DOCK9: variants seen among roughly 807,000 people sequenced by gnomAD.
DOCK9 encodes dedicator of cytokinesis 9.
DOCK9 carries 89 observed loss-of-function variants against 263.3 expected under a neutral mutation model. That is an observed-to-expected ratio of 0.34 (90% CI 0.28 to 0.40). The LOEUF (loss-of-function observed/expected upper bound fraction) is 0.40. DOCK9 is among the 10% of genes least tolerant of loss of function. The pLI is 1.00. For synonymous variants in DOCK9, 976 were observed against 973.1 expected (o/e 1.00, Z -0.06); for missense variants, 2,140 against 2,603.4 (o/e 0.82, Z 3.87).
chr13:98,835,696 G>T (rs558142347), intron 39 of DOCK9, among the ~76,000 whole-genome samples: 1 of 148,102 alleles, frequency 6.8e-6, no homozygotes, highest in Admixed American at 6.8e-5. Context: ...GATATTTAGA[G>T]ATCCAGGAAT....
intron 35 of DOCK9, among the ~76,000 whole-genome samples, chr13:98,851,925 G>A (rs545622760): frequency 8.5e-5 from 13 of 152,222 alleles, no homozygotes; most frequent in African/African-American, 2.2e-4. Context: ...GAAAACAATC[G>A]ATAACTTGAA....
chr13:98,950,035 GTTCACATAAGGTTCT>G (rs2057222612), intron 2 of DOCK9: 1 of 474,152 alleles, frequency 2.1e-6, no homozygotes, highest in African/African-American at 2.0e-5. Context: ...GAAATCCCCA[GTTCACATAAGGTTCT>G]ACTATAAGCA....
Position 98,901,681 on chromosome 13 carries a change from T to C in DOCK9, c.1503+97A>G, listed in dbSNP as rs1170196918. The C allele has an allele frequency of 4.4e-6, 6 of 1,352,964 alleles. No homozygotes were observed. In the East Asian group the frequency reaches 1.2e-4, roughly 27 times the overall value. 83.8% of individuals were successfully genotyped at this position (1,352,964 alleles called of 1,614,324 possible). On this transcript the variant is annotated intron_variant, in intron 13 of 52. Coordinates refer to ENST00000682017, the MANE Select transcript of DOCK9 (RefSeq NM_001366683.2). Reference sequence around the variant, plus strand: ...TTCTACATCTTTTAGAGTATAAATATGGCTTATGTTTGATTTCATTAAGGA... The same window carrying C: ...TTCTACATCTTTTAGAGTATAAATACGGCTTATGTTTGATTTCATTAAGGA...
At chr13:98,932,559 T>C (rs908824319) in intron 2 of DOCK9, among the ~76,000 whole-genome samples, 3 of 152,212 alleles carry the variant, frequency 2.0e-5, no homozygotes, top group African/African-American at 7.2e-5. Context: ...GCAGTTTCCT[T>C]TCTTCCTTTG....
rs759961348 is a variant in DOCK9 at position 98,809,476 on chromosome 13, G to A, written c.5254-11C>T. 1 of 1,575,410 alleles carries A rather than the reference G, an allele frequency of 6.3e-7. No individual in the cohort carries two copies. The highest frequency in any genetic ancestry group is 1.2e-5 in the South Asian group (1 of 85,388). On this transcript the variant is annotated splice_polypyrimidine_tract_variant and intron_variant, in intron 46 of 52. Coordinates refer to ENST00000682017, the MANE Select transcript of DOCK9 (RefSeq NM_001366683.2). ...CAGATGGGCCAGCCTCTGGAAAGCAGAACAAAGCCCATTTCTTCCCATGTG... is the reference window on the plus strand; with the variant it reads ...CAGATGGGCCAGCCTCTGGAAAGCAAAACAAAGCCCATTTCTTCCCATGTG...
chr13:99,062,611 C>A (rs544872380), intron 1 of DOCK9, among the ~76,000 whole-genome samples: 1 of 152,330 alleles, frequency 6.6e-6, no homozygotes, highest in Non-Finnish European at 1.5e-5. Context: ...GCATTCGCTC[C>A]CGCAAGCCTT....
intron 23 of DOCK9, among the ~76,000 whole-genome samples, chr13:98,882,623 T>C (rs2044990502): frequency 8.6e-6 from 1 of 115,646 alleles, no homozygotes; most frequent in Admixed American, 8.9e-5. Flanking sequence ...TGGGACTGGT[T>C]CTGTGCATTA....
rs546804102 is a variant in DOCK9, at chr13:98,936,553, G to A, written c.244-6296C>T. 1.5e-3 allele frequency among the ~76,000 whole-genome samples: 221 copies of A among 151,620 alleles called. 7 individuals are homozygous for A. The South Asian group carries it at 0.045, about 31-fold the overall frequency. ...GAGGATCTCTTGAGACCAGAAGTTC[G>A]AGGCTGCAGTGAGCTGTGACTAGGC... is the stretch of plus-strand genomic sequence containing the variant. On this transcript the variant is annotated intron_variant, in intron 2 of 52. Coordinates refer to ENST00000682017, the MANE Select transcript of DOCK9 (RefSeq NM_001366683.2).
At chr13:98,979,124 A>AAGCAGC (rs892956610), upstream of DOCK9, among the ~76,000 whole-genome samples, 7 of 151,758 alleles carry the variant, frequency 4.6e-5, no homozygotes, top group African/African-American at 1.4e-4. Flanking sequence ...AGTAGACAAC[A>AAGCAGC]AGCAGCAGCA....
intron 39 of DOCK9, 66 bp downstream of exon 39, chr13:98,837,428 G>T: frequency 8.7e-7 from 1 of 1,147,578 alleles, no homozygotes; most frequent in Non-Finnish European, 1.3e-6. Flanking sequence ...TGTGCTCACT[G>T]AGCTTACCAA....
chr13:98,896,326 G>A (rs931019020), intron 15 of DOCK9, among the ~76,000 whole-genome samples: 11 of 152,228 alleles, frequency 7.2e-5, no homozygotes, highest in Non-Finnish European at 1.5e-4. Context: ...TTAGGAACAC[G>A]TCTCTGTGTT....
intron 27 of DOCK9, among the ~76,000 whole-genome samples, chr13:98,868,674 G>A (rs982477729): frequency 6.6e-6 from 1 of 152,124 alleles, no homozygotes; most frequent in Non-Finnish European, 1.5e-5. Context: ...AGGATTGCTG[G>A]AGCCCAGCAG....
chr13:98,928,231 A>G (rs2053357358), intron 3 of DOCK9, among the ~76,000 whole-genome samples: 1 of 152,232 alleles, frequency 6.6e-6, no homozygotes, highest in South Asian at 2.1e-4. Flanking sequence ...GTACCTTCAA[A>G]AAGACAGGAA....
At chr13:98,968,813 A>T (rs2059446194) in intron 1 of DOCK9, among the ~76,000 whole-genome samples, 1 of 152,182 alleles carries the variant, frequency 6.6e-6, no homozygotes, top group Non-Finnish European at 1.5e-5. Flanking sequence ...TCAGAGATAA[A>T]AGTTAGGTCT....
In DOCK9 at chr13:99,073,391, T is replaced by C. The variant is rs181871175; in HGVS notation, c.129+12832A>G. 7.8e-3 allele frequency among the ~76,000 whole-genome samples: 1,178 copies of C among 151,804 alleles called. 12 individuals carry two copies. Among genetic ancestry groups the C allele is most frequent in the African/African-American group, 0.027 (1,112 of 41,386 alleles). ...CTCTCCTCTCTCTCTCTCTCCTCTC[T>C]CTCTCTCTCTTTCATGCTTCCTCCC... On this transcript the variant is annotated intron_variant, in intron 1 of 32. Transcript: ENST00000427887.
chr13:98,921,274 TGAG>T (rs1360971052), intron 6 of DOCK9, among the ~76,000 whole-genome samples, 186 bp from the exon 7 acceptor site: 2 of 152,216 alleles, frequency 1.3e-5, no homozygotes, highest in African/African-American at 4.8e-5. Context: ...ATCTCAGTTC[TGAG>T]GAGGTGGTTC....
rs769951250 is a variant in DOCK9, at chr13:98,881,605, G to C, written c.2698C>G (p.Gln900Glu). The C allele has an allele frequency of 3.7e-5, 59 of 1,608,992 alleles. No individual in the cohort carries two copies. The highest frequency in any genetic ancestry group is 4.8e-5 in the Non-Finnish European group (57 of 1,177,890). Residue 900 changes from glutamine (Q) to glutamate (E), a missense_variant, in exon 25 of 53, where the codon CAG (glutamine) becomes GAG (glutamate). Transcript: ENST00000682017. ...VTRVIIHVVA[Q>E]CHEEGLESHL... ...CTCTCCAATCCTTCCTCATGGCACT[G>C]GGCAACCACATGAATAATGACCCTA...
chr13:98,898,499 T>C (rs1250157138), intron 13 of DOCK9, among the ~76,000 whole-genome samples: 1 of 152,220 alleles, frequency 6.6e-6, no homozygotes, highest in Non-Finnish European at 1.5e-5. Flanking sequence ...CCAAAATCCA[T>C]GTCTCTTCTT....
chr13:98,901,451 G>C (rs1261897827), intron 13 of DOCK9, among the ~76,000 whole-genome samples: 1 of 152,098 alleles, frequency 6.6e-6, no homozygotes, highest in Admixed American at 6.5e-5. Flanking sequence ...AACCCAAGAG[G>C]CAAATTAACA....
Sources: gnomAD v4.1 joint callset for allele counts (sites outside exome capture counted in the v4.1 genomes callset) on GRCh38, gnomAD v4.1.1 for gene constraint, MANE v1.5 for transcripts, NCBI Gene and HGNC (gene_info 2026-07-23, HGNC 2026-07-21) for gene names.